The following SLC16A10 variants were observed in gnomAD, a reference collection of about 807,000 sequenced individuals.
The protein encoded by SLC16A10 is solute carrier family 16 member 10, also known as monocarboxylate transporter 10.
SLC16A10 carries 27 observed loss-of-function variants against 40.0 expected under a neutral mutation model. The ratio of observed to expected loss-of-function variants is 0.67; its 90% CI spans 0.50 to 0.93. The LOEUF (loss-of-function observed/expected upper bound fraction) is 0.93. Ranked by LOEUF, SLC16A10 falls within the 40% of genes least tolerant of loss-of-function variation. SLC16A10 has a pLI of 0.00. For synonymous variants in SLC16A10, 213 were observed against 249.8 expected (o/e 0.85, Z 1.39); for missense variants, 529 against 658.2 (o/e 0.80, Z 2.15).
At chr6:111,202,884 C>CAAAAAAAA (rs567667458) in intron 3 of SLC16A10, among the ~76,000 whole-genome samples, 22 of 86,318 alleles carry the variant, frequency 2.5e-4, no homozygotes, top group African/African-American at 9.3e-4. Context: ...GAGACTCCAT[C>CAAAAAAAA]AAAAAAAAAA....
chr6:111,132,418 A>G (rs1157181617), intron 1 of SLC16A10, among the ~76,000 whole-genome samples: 1 of 152,230 alleles, frequency 6.6e-6, no homozygotes, highest in African/African-American at 2.4e-5. Context: ...GGGGTAGCCC[A>G]AAAACACTGA....
At chr6:111,104,047 T>G (rs566847911) in intron 1 of SLC16A10, among the ~76,000 whole-genome samples, 2 of 152,268 alleles carry the variant, frequency 1.3e-5, no homozygotes, top group South Asian at 4.1e-4. Context: ...ACTGGGCTTA[T>G]TAAGTGAATG....
intron 1 of SLC16A10, among the ~76,000 whole-genome samples, chr6:111,133,053 G>A (rs1368554783): frequency 1.3e-5 from 2 of 152,148 alleles, no homozygotes; most frequent in African/African-American, 2.4e-5. Context: ...TCTTGATGGG[G>A]CAACTGGGTT....
At chr6:111,206,123 G>A (rs2114583015) in intron 3 of SLC16A10, among the ~76,000 whole-genome samples, 1 of 150,882 alleles carries the variant, frequency 6.6e-6, no homozygotes, top group South Asian at 2.1e-4. Flanking sequence ...CTGTCGCCCA[G>A]GCTGGAGTGC....
At chr6:111,205,859 AG>A (rs1773244639) in intron 3 of SLC16A10, among the ~76,000 whole-genome samples, 1 of 152,222 alleles carries the variant, frequency 6.6e-6, no homozygotes, top group African/African-American at 2.4e-5. Flanking sequence ...AACTCGTTTC[AG>A]GGGTGTCAAT....
intron 1 of SLC16A10, among the ~76,000 whole-genome samples, chr6:111,124,396 C>T (rs1232478007): frequency 6.7e-6 from 1 of 149,490 alleles, no homozygotes; most frequent in African/African-American, 2.5e-5. Context: ...GGCTCTGTTG[C>T]TCAGGCTGGA....
chr6:111,159,589 A>C (rs1772334064), intron 1 of SLC16A10, among the ~76,000 whole-genome samples: 1 of 152,198 alleles, frequency 6.6e-6, no homozygotes, highest in African/African-American at 2.4e-5. Context: ...AGCAGCTATA[A>C]ACATTTGTAT....
intron 3 of SLC16A10, among the ~76,000 whole-genome samples, chr6:111,202,871 AGT>A (rs1252370170): frequency 2.4e-4 from 30 of 127,160 alleles, no homozygotes; most frequent in African/African-American, 9.2e-4. Flanking sequence ...TGGGTGACAG[AGT>A]GAGACTCCAT....
At chr6:111,217,405 A>T (rs1253232414) in intron 4 of SLC16A10, among the ~76,000 whole-genome samples, 2 of 152,014 alleles carry the variant, frequency 1.3e-5, no homozygotes, top group Non-Finnish European at 1.5e-5. Flanking sequence ...GCTTTTAAAA[A>T]TTTTTTCTGC....
chr6:111,128,649 G>A (rs1283503096), intron 1 of SLC16A10, among the ~76,000 whole-genome samples: 2 of 152,076 alleles, frequency 1.3e-5, no homozygotes, highest in Non-Finnish European at 2.9e-5. Flanking sequence ...TTTTTATTGA[G>A]GAGAGAACGA....
At position 111,225,043 on chromosome 6, in the gene SLC16A10, G is replaced by A. The variant is rs1388111274; in HGVS notation, c.*2808G>A. ...TAGATACTCTAGATTGGATACTATTGTAACAGATGGCCAAGAAACTTCCAG... is the reference window on the plus strand; with the variant it reads ...TAGATACTCTAGATTGGATACTATTATAACAGATGGCCAAGAAACTTCCAG... On this transcript the variant is annotated 3_prime_UTR_variant, in exon 6 of 6. Coordinates refer to ENST00000368851, the MANE Select transcript of SLC16A10 (RefSeq NM_018593.5). 1.3e-5 allele frequency: 2 copies of A among 152,158 alleles called. No homozygotes were observed. The highest frequency in any genetic ancestry group is 4.8e-5 in the African/African-American group (2 of 41,438). The allele number at this position is 152,158 out of a possible 1,614,324, so 9.4% of individuals were successfully genotyped here.
rs1771063644 is a variant in SLC16A10, at chr6:111,229,200, T to C, written c.*6965T>C. ...TTAAAAATATTAATATACAACACAA[T>C]AGAAAATGTATACAGCCAGCAACGT... On this transcript the variant is annotated 3_prime_UTR_variant, in exon 6 of 6. Transcript: ENST00000368851. 1 of 152,010 alleles carries C rather than the reference T, an allele frequency of 6.6e-6. No individual in the cohort carries two copies. The highest frequency in any genetic ancestry group is 1.5e-5 in the Non-Finnish European group (1 of 68,016). The allele number at this position is 152,010 out of a possible 1,614,324, so 9.4% of individuals were successfully genotyped here.
chr6:111,213,758 C>G (rs906680602), intron 4 of SLC16A10, among the ~76,000 whole-genome samples: 3 of 152,208 alleles, frequency 2.0e-5, no homozygotes, highest in Non-Finnish European at 4.4e-5. Flanking sequence ...TGAAGCACTT[C>G]GAAGTGACAC....
intron 4 of SLC16A10, among the ~76,000 whole-genome samples, chr6:111,210,395 T>G (rs898068040): frequency 6.6e-6 from 1 of 152,236 alleles, no homozygotes; most frequent in African/African-American, 2.4e-5. Flanking sequence ...TCATGATCAC[T>G]TTGTCAGTAC....
intron 5 of SLC16A10, 115 bp downstream of exon 5, chr6:111,219,157 T>G (rs1770839934): frequency 1.0e-6 from 1 of 974,016 alleles, no homozygotes; most frequent in East Asian, 2.6e-5. Context: ...TACTGGTCTT[T>G]TGCTTTTATG....
rs1771046154 is a variant in SLC16A10 at position 111,228,399 on chromosome 6, T to G, written c.*6164T>G. 1 of 152,184 alleles carries G rather than the reference T, an allele frequency of 6.6e-6. No homozygotes were observed. Among genetic ancestry groups the G allele is most frequent in the Non-Finnish European group, 1.5e-5 (1 of 68,034 alleles). The allele number at this position is 152,184 out of a possible 1,614,324, so 9.4% of individuals were successfully genotyped here. On this transcript the variant is annotated 3_prime_UTR_variant, in exon 6 of 6. Transcript: ENST00000368851. ...GGCAATAGTGTAGGAGTTAACCCAG[T>G]CTACCCAAAGAAGTTGCTTTGCCTT... is the stretch of plus-strand genomic sequence containing the variant.
chr6:111,153,051 A>G (rs763922120), intron 1 of SLC16A10, among the ~76,000 whole-genome samples: 1 of 152,172 alleles, frequency 6.6e-6, no homozygotes, highest in Non-Finnish European at 1.5e-5. Flanking sequence ...GTGCTGGGGA[A>G]GATCAAGGGA....
At chr6:111,138,884 G>A (rs1771930521) in intron 1 of SLC16A10, among the ~76,000 whole-genome samples, 1 of 152,166 alleles carries the variant, frequency 6.6e-6, no homozygotes, top group Non-Finnish European at 1.5e-5. Context: ...GCCTCAGGGA[G>A]AGAGGATGCA....
chr6:111,160,743 A>G (rs1772355274), intron 1 of SLC16A10, among the ~76,000 whole-genome samples: 1 of 152,204 alleles, frequency 6.6e-6, no homozygotes, highest in South Asian at 2.1e-4. Flanking sequence ...TTAAGGGGAC[A>G]CGGGGTGCTC....
Sources: gnomAD v4.1 joint callset for allele counts (sites outside exome capture counted in the v4.1 genomes callset) on GRCh38, gnomAD v4.1.1 for gene constraint, MANE v1.5 for transcripts, NCBI Gene and HGNC (gene_info 2026-07-23, HGNC 2026-07-21) for gene names.